The following FAM135B variants were observed in gnomAD, a reference collection of about 807,000 sequenced individuals.
FAM135B encodes protein FAM135B.
A neutral mutation model predicts 127.7 loss-of-function variants in FAM135B; 43 were observed. That is an observed-to-expected ratio of 0.34 (90% confidence interval 0.26 to 0.43). FAM135B has a LOEUF of 0.43. FAM135B is among the 20% of genes least tolerant of loss of function. The probability of loss-of-function intolerance (pLI) is 1.00; values close to 1 mark genes in which losing one functional copy is unlikely to be tolerated. For missense variants in FAM135B, 1,558 were observed against 1,725.6 expected (o/e 0.90, Z 1.72); for synonymous variants, 670 against 665.1 (o/e 1.01, Z -0.11).
At chr8:138,451,154 C>T (rs558956495) in intron 1 of FAM135B, among the ~76,000 whole-genome samples, 5 of 152,148 alleles carry the variant, frequency 3.3e-5, no homozygotes, top group Non-Finnish European at 7.4e-5. Flanking sequence ...ATAAACCCTG[C>T]CCCTTAGCCT....
intron 11 of FAM135B, among the ~76,000 whole-genome samples, chr8:138,172,188 T>C (rs765628308): frequency 6.6e-6 from 1 of 152,086 alleles, no homozygotes; most frequent in Non-Finnish European, 1.5e-5. Context: ...GGAGTTGGAG[T>C]TGAGTTTATT....
chr8:138,431,228 C>G (rs1038764690), intron 1 of FAM135B, among the ~76,000 whole-genome samples: 5 of 152,188 alleles, frequency 3.3e-5, no homozygotes, highest in African/African-American at 1.2e-4. Context: ...ACTAATGAAA[C>G]TTCTCTTATG....
intron 1 of FAM135B, chr8:138,477,460 CTA>C (rs1814540991): frequency 6.6e-6 from 1 of 152,194 alleles, no homozygotes. Context: ...CCCTCTTACC[CTA>C]TGTTTTCATC....
At chr8:138,494,124 C>G (rs779896745) in intron 1 of FAM135B, among the ~76,000 whole-genome samples, 2 of 152,230 alleles carry the variant, frequency 1.3e-5, no homozygotes, top group Non-Finnish European at 2.9e-5. Flanking sequence ...AAAATATGTG[C>G]TTCTGTTCTC....
chr8:138,447,433 A>T (rs1490917512), intron 1 of FAM135B, among the ~76,000 whole-genome samples: 1 of 152,178 alleles, frequency 6.6e-6, no homozygotes, highest in Non-Finnish European at 1.5e-5. Flanking sequence ...AGACTGGATT[A>T]AAAAAATGTG....
chr8:138,471,048 C>A (rs557040539), intron 1 of FAM135B, among the ~76,000 whole-genome samples: 1 of 152,280 alleles, frequency 6.6e-6, no homozygotes, highest in African/African-American at 2.4e-5. Flanking sequence ...TACACACAGA[C>A]AATGCTGAAA....
intron 7 of FAM135B, among the ~76,000 whole-genome samples, chr8:138,238,336 T>TTAG (rs1337560190): frequency 1.4e-4 from 21 of 152,250 alleles, no homozygotes; most frequent in African/African-American, 4.8e-4. Context: ...GAGCCAGGCA[T>TTAG]TAGTATATCC....
chr8:138,226,184 T>TGTGTGTGTGCGCGCGCGCGCGC, intron 7 of FAM135B, among the ~76,000 whole-genome samples: 50 of 139,292 alleles, frequency 3.6e-4, no homozygotes, highest in African/African-American at 1.0e-3. Context: ...TGTGTGTGTG[T>TGTGTGTGTGCGCGCGCGCGCGC]GCGCGCATGT....
In FAM135B at chr8:138,316,979, C is replaced by CAAA. The variant is rs112559661; in HGVS notation, c.78-6062_78-6060dup. Among the ~76,000 whole-genome samples the CAAA allele has an allele frequency of 2.4e-4, 30 of 122,700 alleles. 1 individual carries two copies. The highest frequency in any genetic ancestry group is 8.4e-4 in the African/African-American group (28 of 33,512). The allele number at this position is 122,700 out of a possible 152,430, so 80.5% of individuals were successfully genotyped here. A position where few individuals can be genotyped will look rare whatever the true frequency, so the allele number is the denominator to read the frequency against. ...TGGGGGACAGAGCAAGACTCCATCT[C>CAAA]AAAAAAAAAAAAAAATTAAACATAC... On this transcript the variant is annotated intron_variant, in intron 2 of 19. Coordinates refer to ENST00000395297, the MANE Select transcript of FAM135B (RefSeq NM_015912.4).
chr8:138,382,283 C>A (rs1374225980), intron 1 of FAM135B, among the ~76,000 whole-genome samples: 1 of 152,168 alleles, frequency 6.6e-6, no homozygotes, highest in Non-Finnish European at 1.5e-5. Flanking sequence ...TCTAAAATTT[C>A]TCGGGAGCCA....
At chr8:138,254,763 C>T (rs1821950058) in intron 5 of FAM135B, among the ~76,000 whole-genome samples, 1 of 152,132 alleles carries the variant, frequency 6.6e-6, no homozygotes, top group Admixed American at 6.5e-5. Context: ...AAAAGTGAGG[C>T]ATCTGTGAAG....
intron 2 of FAM135B, among the ~76,000 whole-genome samples, chr8:138,341,009 C>T (rs1829010236): frequency 6.6e-6 from 1 of 152,178 alleles, no homozygotes; most frequent in Non-Finnish European, 1.5e-5. Flanking sequence ...TCCCTGTTCC[C>T]AGCACCTAGG....
chr8:138,379,502 G>A (rs1831700129), intron 1 of FAM135B, among the ~76,000 whole-genome samples: 1 of 152,058 alleles, frequency 6.6e-6, no homozygotes, highest in South Asian at 2.1e-4. Context: ...ACAAAGATGA[G>A]CTTAAATATT....
chr8:138,454,603 C>T (rs2131596621), intron 1 of FAM135B, among the ~76,000 whole-genome samples: 3 of 148,520 alleles, frequency 2.0e-5, no homozygotes, highest in Middle Eastern at 6.8e-3. Flanking sequence ...ACTCTGCACC[C>T]TTTCTTCCTC....
chr8:138,183,676 G>C (rs1445917907), intron 9 of FAM135B, among the ~76,000 whole-genome samples: 1 of 152,164 alleles, frequency 6.6e-6, no homozygotes. Flanking sequence ...CAACAGCATA[G>C]CAATAGTTCT....
chr8:138,362,321 C>A (rs1189486257), intron 2 of FAM135B, among the ~76,000 whole-genome samples: 1 of 121,728 alleles, frequency 8.2e-6, no homozygotes, highest in Non-Finnish European at 1.6e-5. Flanking sequence ...TACCATTACA[C>A]AATTTGGTGA....
At chr8:138,173,836 A>G (rs1189295647) in intron 11 of FAM135B, among the ~76,000 whole-genome samples, 1 of 152,222 alleles carries the variant, frequency 6.6e-6, no homozygotes, top group Non-Finnish European at 1.5e-5. Context: ...TTCCACATTC[A>G]TTCCTCAGCA....
chr8:138,368,603 A>G (rs936677906), intron 1 of FAM135B, among the ~76,000 whole-genome samples: 3 of 152,220 alleles, frequency 2.0e-5, no homozygotes, highest in Non-Finnish European at 4.4e-5. Flanking sequence ...TAAAGACTGA[A>G]GATGGCTGGA....
intron 6 of FAM135B, among the ~76,000 whole-genome samples, chr8:138,249,587 G>A (rs546697453): frequency 2.6e-5 from 4 of 152,286 alleles, no homozygotes; most frequent in East Asian, 1.9e-4. Context: ...GCAGATGGGC[G>A]TGGTCACTGG....
Sources: allele counts gnomAD v4.1 joint callset (sites outside exome capture counted in the v4.1 genomes callset), GRCh38; gene constraint gnomAD v4.1.1; transcripts MANE v1.5; gene names NCBI Gene and HGNC (gene_info 2026-07-23, HGNC 2026-07-21).